The following MYO15A variants were observed in gnomAD, a reference collection of about 807,000 sequenced individuals.
MYO15A encodes myosin XVA, also known as unconventional myosin-XV.
MYO15A carries 308 observed loss-of-function variants against 394.6 expected under a neutral mutation model. That is an observed-to-expected ratio of 0.78 (90% confidence interval 0.71 to 0.86). MYO15A has a LOEUF of 0.86. MYO15A is among the 40% of genes least tolerant of loss of function. The pLI is 0.00. For synonymous variants in MYO15A, 1,957 were observed against 2,003.8 expected (o/e 0.98, Z 0.62); for missense variants, 4,606 against 4,799.1 (o/e 0.96, Z 1.19).
In MYO15A at chr17:18,161,598, T is replaced by C. The variant is rs982411395; in HGVS notation, c.9517+151T>C. ...ATTAATATACTCCCCAAACATTTGT[T>C]AAGGTTTCACAGGGGCTGGCGTGGT... On this transcript the variant is annotated intron_variant, in intron 57 of 65. Coordinates refer to ENST00000647165, the MANE Select transcript of MYO15A (RefSeq NM_016239.4). 6.2e-6 allele frequency: 8 copies of C among 1,291,098 alleles called. No individual in the cohort carries two copies. The East Asian group carries it at 1.9e-4, about 31-fold the overall frequency. The allele number at this position is 1,291,098 out of a possible 1,614,324, so 80.0% of individuals were successfully genotyped here.
Position 18,142,020 on chromosome 17 carries a change from G to C in MYO15A, c.5650-59G>C, listed in dbSNP as rs1272096569. The C allele has an allele frequency of 1.6e-5, 26 of 1,592,554 alleles. No homozygotes were observed. The Admixed American group carries it at 4.0e-4, about 25-fold the overall frequency. On this transcript the variant is annotated intron_variant, in intron 23 of 65. Transcript: ENST00000647165. ...TCTCCACGGACTTCTAGAGAGGGAG[G>C]GGCCCTTAGTCCAGCCTCCTGGCTC...
intron 15 of MYO15A, among the ~76,000 whole-genome samples, 189 bp downstream of exon 15, chr17:18,136,875 G>C (rs1263749079): frequency 1.3e-5 from 2 of 152,246 alleles, no homozygotes; most frequent in African/African-American, 4.8e-5. Context: ...GTACTCCCAA[G>C]GCCTCTGGGC....
Position 18,132,485 on chromosome 17 carries a change from C to T in MYO15A, c.4239C>T (p.Tyr1413=), listed in dbSNP as rs1394967214. Residue 1413 remains tyrosine (Y), a synonymous_variant, in exon 11 of 66, where the codon TAC becomes TAT. Coordinates refer to ENST00000647165, the MANE Select transcript of MYO15A (RefSeq NM_016239.4). This position sits in a 1 kb window ranked among gnomAD's most constrained non-coding sequence, Gnocchi z 4.6. Reference sequence around the variant, plus strand: ...ACGAGAGGAATTACCACATCTTCTACGAGTTGCTGGCCGGGTTGCCTGCCC... The same window carrying T: ...ACGAGAGGAATTACCACATCTTCTATGAGTTGCTGGCCGGGTTGCCTGCCC... ...AKNERNYHIF[Y]ELLAGLPAQL... The T allele has an allele frequency of 1.2e-6, 2 of 1,613,974 alleles. No individual in the cohort carries two copies. Among genetic ancestry groups the T allele is most frequent in the Non-Finnish European group, 8.5e-7 (1 of 1,180,044 alleles).
chr17:18,149,537 A>G lies in MYO15A; in HGVS notation c.7169A>G (p.Tyr2390Cys). The change falls in exon 35 of 66, where the codon TAC becomes TGC. Residue 2390 changes from tyrosine to cysteine, a missense_variant. Physicochemically the swap from Tyr to Cys is radical, Grantham distance 194. This residue lies in a region of MYO15A where 2,776 missense variants were observed against 3,109.3 expected (regional missense o/e 0.89). Transcript: ENST00000647165. ...PAVPHKGLDCYLDSLFDPVLS... is the reference protein window; with the variant it reads ...PAVPHKGLDCCLDSLFDPVLS... ...GTGCCCCACAAGGGGCTGGACTGCT[A>G]CCTGGATAGCCTCTTTGACCCTGTG... 6.2e-7 allele frequency: 1 copy of G among 1,614,204 alleles called. No individual in the cohort carries two copies. Among genetic ancestry groups the G allele is most frequent in the Non-Finnish European group, 8.5e-7 (1 of 1,180,034 alleles).
At chr17:18,149,617 A>C (rs1036944954) in intron 35 of MYO15A, 37 bp downstream of exon 35, 8 of 1,596,306 alleles carry the variant, frequency 5.0e-6, no homozygotes, top group Non-Finnish European at 6.9e-6. Context: ...TGCAGACAGC[A>C]GGCACAGCAT....
chr17:18,140,759 C>T, intron 20 of MYO15A, 28 bp from the exon 21 acceptor site: 1 of 1,614,200 alleles, frequency 6.2e-7, no homozygotes, highest in Non-Finnish European at 8.5e-7. Context: ...TCTGAGGCCT[C>T]ATGCTGTCCT....
At position 18,162,688 on chromosome 17, in the gene MYO15A, AG is replaced by A; in HGVS notation, c.9612+12del. The A allele has an allele frequency of 6.2e-7, 1 of 1,613,562 alleles. No homozygotes were observed. Among genetic ancestry groups the A allele is most frequent in the Non-Finnish European group, 8.5e-7 (1 of 1,179,656 alleles). On this transcript the variant is annotated intron_variant, in intron 58 of 65. Transcript: ENST00000647165. ...AGCTTCGGGCCATGTTGGTGAGCAT[AG>A]GGTGGGAGTGGGTTCAAAATGAATG...
In MYO15A at chr17:18,120,219, C is replaced by T; in HGVS notation, c.1419C>T (p.Leu473=). 6.2e-7 allele frequency: 1 copy of T among 1,612,784 alleles called. No homozygotes were observed. The highest frequency in any genetic ancestry group is 8.5e-7 in the Non-Finnish European group (1 of 1,179,908). Residue 473 remains leucine, a synonymous_variant, in exon 2 of 66, where the codon CTC becomes CTT. Transcript: ENST00000647165. ...MDKPARSKLS[L]IRKFRLFPRP... ...AGCCCGCCAGGTCCAAGCTGTCCCT[C>T]ATCCGCAAGTTCCGCCTCTTCCCGC...
intron 62 of MYO15A, among the ~76,000 whole-genome samples, chr17:18,169,102 A>G (rs1450157756): frequency 7.1e-6 from 1 of 141,100 alleles, no homozygotes; most frequent in East Asian, 2.0e-4. Flanking sequence ...GACAAGAGCG[A>G]AACTCCATCT....
intron 54 of MYO15A, 77 bp downstream of exon 54, chr17:18,159,424 C>A: frequency 6.5e-7 from 1 of 1,545,148 alleles, no homozygotes; most frequent in African/African-American, 1.4e-5. Flanking sequence ...GGTTGCCACT[C>A]CTCCCTGATC....
Position 18,119,638 on chromosome 17 carries a change from G to C in MYO15A, c.838G>C (p.Gly280Arg), listed in dbSNP as rs777373668. 5 of 1,603,358 alleles carry C rather than the reference G, an allele frequency of 3.1e-6. No individual in the cohort carries two copies. The highest frequency in any genetic ancestry group is 4.2e-6 in the Non-Finnish European group (5 of 1,179,896). ...AWPPYGDHYY[G>R]YPPEDPYDYY... ...GCCACCCTACGGCGACCACTACTAC[G>C]GGTACCCGCCCGAGGATCCCTACGA... The change falls in exon 2 of 66, where the codon GGG becomes CGG. Residue 280 changes from glycine (G) to arginine (R), a missense_variant. Transcript: ENST00000647165.
At chr17:18,114,881 A>C in intron 1 of MYO15A, among the ~76,000 whole-genome samples, 1 of 149,264 alleles carries the variant, frequency 6.7e-6, no homozygotes. Context: ...TTCCCTCTAT[A>C]CTCATTCCCT....
Position 18,163,763 on chromosome 17 carries a change from G to T in MYO15A, c.9712G>T (p.Glu3238Ter). 1 of 1,613,888 alleles carries T rather than the reference G, an allele frequency of 6.2e-7. No homozygotes were observed. The highest frequency in any genetic ancestry group is 8.5e-7 in the Non-Finnish European group (1 of 1,179,888). The change falls in exon 60 of 66, where the codon GAG becomes TAG. Residue 3238 changes from glutamate (E) to a stop codon, truncating the protein, a stop_gained. Transcript: ENST00000647165. LOFTEE classifies it high-confidence loss of function. ...CCAGGTGGCCCTGGACGTGGTGGAA[G>T]AGATATGTGCTGAGATGGCTCTGAC... ...TCTVALDVVEEICAEMALTRP... is the reference protein window; with the variant it reads ...TCTVALDVVE
At chr17:18,124,790 G>A (rs534165091) in intron 3 of MYO15A, 12 of 597,446 alleles carry the variant, frequency 2.0e-5, no homozygotes, top group African/African-American at 1.3e-4. Context: ...TGCACAAATC[G>A]CTTTGTTTCT....
intron 1 of MYO15A, among the ~76,000 whole-genome samples, chr17:18,111,341 G>GAAAAAAAAAAAAAAAAAAAAAAAA (rs57095827): frequency 8.4e-6 from 1 of 118,950 alleles, no homozygotes. Context: ...TCTCAAAAGA[G>GAAAAAAAAAAAAAAAAAAAAAAAA]AAAAAAAAAA....
At chr17:18,163,388 A>C in intron 59 of MYO15A, 67 bp downstream of exon 59, 3 of 1,519,762 alleles carry the variant, frequency 2.0e-6, no homozygotes, top group Non-Finnish European at 2.7e-6. Flanking sequence ...CCCAGGCTCC[A>C]GGATGGGGGT....
chr17:18,167,445 C>T (rs1357052717), intron 61 of MYO15A, 145 bp from the exon 62 acceptor site: 1 of 1,342,634 alleles, frequency 7.4e-7, no homozygotes, highest in Non-Finnish European at 1.0e-6. Flanking sequence ...CCATCATTCC[C>T]CGAAACCCAG....
At position 18,148,353 on chromosome 17, in the gene MYO15A, G is replaced by T; in HGVS notation, c.6691+143G>T. The T allele has an allele frequency of 6.9e-7, 1 of 1,452,782 alleles. No homozygotes were observed. Among genetic ancestry groups the T allele is most frequent in the Non-Finnish European group, 9.4e-7 (1 of 1,064,858 alleles). The allele number at this position is 1,452,782 out of a possible 1,614,324, so 90.0% of individuals were successfully genotyped here. On this transcript the variant is annotated intron_variant, in intron 31 of 65. Transcript: ENST00000647165. The surrounding 1 kb of genome is among the most constrained non-coding windows in gnomAD (Gnocchi z 4.8). ...GGCTCTGCGTGAAAGTCTGTGTGTG[G>T]GGGTGGGACCTGGCCCAGGAAAGGG...
At chr17:18,113,893 A>G (rs2045753739) in intron 1 of MYO15A, among the ~76,000 whole-genome samples, 1 of 151,602 alleles carries the variant, frequency 6.6e-6, no homozygotes, top group Non-Finnish European at 1.5e-5. Flanking sequence ...GCTGATCTGC[A>G]GCCTGCTTCC....
Sources: gnomAD v4.1 joint callset for allele counts (sites outside exome capture counted in the v4.1 genomes callset) on GRCh38, gnomAD v4.1.1 for gene constraint, gnomAD v4.1.1 regional missense constraint, Gnocchi (gnomAD v3.1) non-coding constraint, MANE v1.5 for transcripts, NCBI Gene and HGNC (gene_info 2026-07-23, HGNC 2026-07-21) for gene names.